HTR2A: variants seen among roughly 807,000 people sequenced by gnomAD.
HTR2A encodes 5-hydroxytryptamine receptor 2A.
HTR2A carries 14 observed loss-of-function variants against 31.0 expected under a neutral mutation model. That is an observed-to-expected ratio of 0.45 (90% CI 0.30 to 0.71). The LOEUF (loss-of-function observed/expected upper bound fraction) is 0.71. HTR2A is among the 30% of genes least tolerant of loss of function. HTR2A has a pLI of 0.09. For synonymous variants in HTR2A, 209 were observed against 225.2 expected, an observed-to-expected ratio of 0.93 and a Z score of 0.64; for missense variants, 442 against 573.3, an observed-to-expected ratio of 0.77 and a Z score of 2.34.
At chr13:46,856,045 G>A (rs558078905) in intron 3 of HTR2A, 2 of 152,296 alleles carry the variant, frequency 1.3e-5, no homozygotes, top group South Asian at 2.1e-4. Context: ...GTAGAATAAA[G>A]CAATCCCTTA....
At chr13:46,856,322 T>C (rs1950737216) in intron 3 of HTR2A, 1 of 152,228 alleles carries the variant, frequency 6.6e-6, no homozygotes, top group Non-Finnish European at 1.5e-5. Flanking sequence ...TTAATGACAC[T>C]TCAATAAACC....
At chr13:46,855,028 G>T (rs966706542) in intron 3 of HTR2A, among the ~76,000 whole-genome samples, 3 of 152,082 alleles carry the variant, frequency 2.0e-5, no homozygotes, top group Admixed American at 6.6e-5. Flanking sequence ...ATTGGGAGAC[G>T]GAACTATAAG....
intron 2 of HTR2A, among the ~76,000 whole-genome samples, chr13:46,893,694 A>G (rs1242464975): frequency 1.3e-5 from 2 of 152,246 alleles, no homozygotes; most frequent in Non-Finnish European, 2.9e-5. Flanking sequence ...GGACATAAAC[A>G]AAGTGTCCTG....
rs1951057641 is a variant in HTR2A, at chr13:46,892,076, G to T, written c.613+314C>A. On this transcript the variant is annotated intron_variant, in intron 3 of 3. Coordinates refer to ENST00000542664, the MANE Select transcript of HTR2A (RefSeq NM_000621.5). ...TGATTATAAAAGTTGAGGTCTTTGG[G>T]AAACCCAAGAATTAGAGTCGTGGAC... Among the ~76,000 whole-genome samples the T allele has an allele frequency of 2.6e-5, 4 of 152,336 alleles. No individual in the cohort carries two copies. In the South Asian group the frequency reaches 8.3e-4, roughly 32 times the overall value.
intron 2 of HTR2A, among the ~76,000 whole-genome samples, chr13:46,893,916 C>A (rs1016964823): frequency 2.0e-5 from 3 of 152,192 alleles, no homozygotes; most frequent in African/African-American, 7.2e-5. Flanking sequence ...AAGTAAAGGG[C>A]GTAGGTACAA....
intron 3 of HTR2A, among the ~76,000 whole-genome samples, chr13:46,848,014 A>G (rs1950656410): frequency 6.6e-6 from 1 of 152,152 alleles, no homozygotes. Flanking sequence ...ATCACTCAAC[A>G]GTCTGGTTGG....
rs1876268427 is a variant in HTR2A, at chr13:46,832,159, C to T, written c.*2678G>A. On this transcript the variant is annotated 3_prime_UTR_variant, in exon 4 of 4. Coordinates refer to ENST00000542664, the MANE Select transcript of HTR2A (RefSeq NM_000621.5). ...TCTTCCACAAAATTAGATTAATTTC[C>T]AGTTTATTTAAAGAGCTGATATTTT... 2 of 152,328 alleles carry T rather than the reference C, an allele frequency of 1.3e-5. No individual in the cohort carries two copies. The highest frequency in any genetic ancestry group is 1.5e-5 in the Non-Finnish European group (1 of 68,032). 9.4% of individuals were successfully genotyped at this position (152,328 alleles called of 1,614,324 possible).
At position 46,895,168 on chromosome 13, in the gene HTR2A, T is replaced by G; in HGVS notation, c.412+327A>C. 1 of 235,296 alleles carries G rather than the reference T, an allele frequency of 4.2e-6. No homozygotes were observed. The highest frequency in any genetic ancestry group is 8.3e-6 in the Non-Finnish European group (1 of 120,110). 14.6% of individuals were successfully genotyped at this position (235,296 alleles called of 1,614,324 possible). The stretch of plus-strand genomic sequence containing the variant: ...TTCAGAATGATGGGTAAGTTATTGG[T>G]TTATGACTGTATGGGGTAATTTATA... On this transcript the variant is annotated intron_variant, in intron 2 of 3. Transcript: ENST00000542664. This position sits in a 1 kb window ranked among gnomAD's most constrained non-coding sequence, Gnocchi z 4.4.
At chr13:46,893,075 A>T (rs1401392638) in intron 2 of HTR2A, among the ~76,000 whole-genome samples, 1 of 152,242 alleles carries the variant, frequency 6.6e-6, no homozygotes, top group East Asian at 1.9e-4. Flanking sequence ...AATAAATTGC[A>T]TTAGTGCAAA....
chr13:46,865,615 A>G (rs1422985891), intron 3 of HTR2A, among the ~76,000 whole-genome samples: 1 of 152,206 alleles, frequency 6.6e-6, no homozygotes, highest in Non-Finnish European at 1.5e-5. Context: ...CTACTGCCCA[A>G]TGTACTAGCC....
At chr13:46,893,654 C>T (rs1951073224) in intron 2 of HTR2A, among the ~76,000 whole-genome samples, 1 of 152,188 alleles carries the variant, frequency 6.6e-6, no homozygotes, top group African/African-American at 2.4e-5. Flanking sequence ...AGGTCACCTG[C>T]TATATGAGGA....
intron 3 of HTR2A, among the ~76,000 whole-genome samples, chr13:46,876,298 T>G (rs1950910287): frequency 6.6e-6 from 1 of 151,812 alleles, no homozygotes; most frequent in African/African-American, 2.4e-5. Flanking sequence ...CTCTGCATTT[T>G]TTTTATAATG....
Position 46,834,898 on chromosome 13 carries a change from T to C in HTR2A, c.1355A>G (p.His452Arg), listed in dbSNP as rs768425509. ...DCSMVALGKQ[H>R]SEEASKDNSD... ...ATTGTCTTTAGAAGCCTCTTCAGAA[T>C]GCTGCTTTCCTAGAGCAACCATTGA... is the stretch of plus-strand genomic sequence containing the variant. Residue 452 changes from histidine to arginine, a missense_variant, in exon 4 of 4, where the codon CAT becomes CGT. This residue lies in a region of HTR2A where 88 missense variants were observed against 83.1 expected (regional missense o/e 1.06). Coordinates refer to ENST00000542664, the MANE Select transcript of HTR2A (RefSeq NM_000621.5). The C allele has an allele frequency of 6.2e-7, 1 of 1,614,118 alleles. No homozygotes were observed. Among genetic ancestry groups the C allele is most frequent in the Non-Finnish European group, 8.5e-7 (1 of 1,179,966 alleles).
At chr13:46,882,238 A>AAG (rs367996850) in intron 3 of HTR2A, among the ~76,000 whole-genome samples, 13 of 151,560 alleles carry the variant, frequency 8.6e-5, no homozygotes, top group Admixed American at 3.3e-4. Context: ...TTAAAAAAAA[A>AAG]AGAGAAAGTA....
At chr13:46,853,938 G>T (rs2138203629) in intron 3 of HTR2A, 1 of 152,176 alleles carries the variant, frequency 6.6e-6, no homozygotes, top group Middle Eastern at 3.4e-3. Flanking sequence ...CCTTCTGTTA[G>T]GTTTAAAGAA....
chr13:46,866,787 G>T (rs1270020712), intron 3 of HTR2A, among the ~76,000 whole-genome samples: 1 of 152,204 alleles, frequency 6.6e-6, no homozygotes, highest in African/African-American at 2.4e-5. Flanking sequence ...AGAACTTTGG[G>T]AGGCCAAGGT....
In HTR2A at chr13:46,871,002, C is replaced by T. The variant is rs1473510996; in HGVS notation, c.613+21388G>A. ...TGACAAAAGCCAGACAGTAGCCAAG[C>T]TTGCCTGTCTTAATACTCTGCTCAT... On this transcript the variant is annotated intron_variant, in intron 3 of 3. Coordinates refer to ENST00000542664, the MANE Select transcript of HTR2A (RefSeq NM_000621.5). 2.0e-5 allele frequency among the ~76,000 whole-genome samples: 3 copies of T among 152,156 alleles called. No homozygotes were observed. In the East Asian group the frequency reaches 5.8e-4, roughly 29 times the overall value.
chr13:46,878,856 T>C (rs1003755923), intron 3 of HTR2A, among the ~76,000 whole-genome samples: 5 of 152,146 alleles, frequency 3.3e-5, no homozygotes, highest in African/African-American at 1.2e-4. Context: ...CCCCTAAAAT[T>C]CTATTTAATG....
At chr13:46,850,630 A>G (rs1018394807) in intron 3 of HTR2A, among the ~76,000 whole-genome samples, 15 of 152,290 alleles carry the variant, frequency 9.8e-5, no homozygotes, top group African/African-American at 3.4e-4. Flanking sequence ...GCTGGCTCTT[A>G]GATCCGGAGC....
Sources: gnomAD v4.1 joint callset for allele counts (sites outside exome capture counted in the v4.1 genomes callset) on GRCh38, gnomAD v4.1.1 for gene constraint, gnomAD v4.1.1 regional missense constraint, Gnocchi (gnomAD v3.1) non-coding constraint, MANE v1.5 for transcripts, NCBI Gene and HGNC (gene_info 2026-07-23, HGNC 2026-07-21) for gene names.